The following LRRC4C variants were observed in gnomAD, a reference collection of about 807,000 sequenced individuals.
The protein encoded by LRRC4C is leucine-rich repeat-containing protein 4C.
A neutral mutation model predicts 33.6 loss-of-function variants in LRRC4C; 5 were observed. That is an observed-to-expected ratio of 0.15 (90% CI 0.08 to 0.31). The LOEUF (loss-of-function observed/expected upper bound fraction) is 0.31, where lower values mean the gene tolerates loss of function less well. Among genes scored for constraint, LRRC4C ranks in the 10% least tolerant of loss-of-function variants. The pLI is 1.00. For synonymous variants in LRRC4C, 329 were observed against 302.0 expected (o/e 1.09, Z -0.93); for missense variants, 560 against 796.7 (o/e 0.70, Z 3.58).
At chr11:40,372,043 CAG>C (rs1410582348) in intron 3 of LRRC4C, among the ~76,000 whole-genome samples, 5 of 152,062 alleles carry the variant, frequency 3.3e-5, no homozygotes, top group Admixed American at 6.6e-5. Flanking sequence ...ATGAAATAAA[CAG>C]GGGATTAAAC....
At chr11:40,530,267 T>A (rs773024270) in intron 3 of LRRC4C, among the ~76,000 whole-genome samples, 7 of 152,128 alleles carry the variant, frequency 4.6e-5, no homozygotes, top group Non-Finnish European at 8.8e-5. Flanking sequence ...GGATGTTTAA[T>A]CATTCAGAAA....
At chr11:40,198,951 T>C (rs1163025006) in intron 5 of LRRC4C, among the ~76,000 whole-genome samples, 1 of 152,164 alleles carries the variant, frequency 6.6e-6, no homozygotes, top group Non-Finnish European at 1.5e-5. Flanking sequence ...GAAATAACTG[T>C]TCTAGGTAGC....
chr11:40,437,516 C>T (rs1170316564), intron 3 of LRRC4C, among the ~76,000 whole-genome samples: 1 of 151,604 alleles, frequency 6.6e-6, no homozygotes, highest in Non-Finnish European at 1.5e-5. Context: ...GCCTCAGCCT[C>T]CTGGGTAGCT....
intron 3 of LRRC4C, among the ~76,000 whole-genome samples, chr11:40,505,299 A>G (rs1428712826): frequency 6.6e-6 from 1 of 152,128 alleles, no homozygotes; most frequent in Non-Finnish European, 1.5e-5. Context: ...AACTGTTGAC[A>G]CCTTACTTCC....
chr11:40,294,720 G>C (rs974614270), intron 4 of LRRC4C, among the ~76,000 whole-genome samples: 13 of 152,028 alleles, frequency 8.6e-5, no homozygotes, highest in Non-Finnish European at 1.0e-4. Flanking sequence ...CCAGCTACTC[G>C]GGAGACTGAG....
chr11:41,236,187 C>T (rs1948014282), intron 1 of LRRC4C, among the ~76,000 whole-genome samples: 1 of 152,070 alleles, frequency 6.6e-6, no homozygotes, highest in Non-Finnish European at 1.5e-5. Context: ...CATCTAGTGA[C>T]TGTGGATTGA....
chr11:40,802,716 C>G (rs922592440), intron 2 of LRRC4C, among the ~76,000 whole-genome samples: 4 of 152,088 alleles, frequency 2.6e-5, no homozygotes, highest in Admixed American at 2.6e-4. Flanking sequence ...GAAATTTAAG[C>G]ATTATCCCTT....
chr11:40,999,055 C>T (rs139468533), intron 1 of LRRC4C, among the ~76,000 whole-genome samples: 1 of 152,254 alleles, frequency 6.6e-6, no homozygotes, highest in African/African-American at 2.4e-5. Context: ...TATTCAGAAA[C>T]ATGTGGAGTT....
At chr11:41,301,185 T>C (rs1950276879) in intron 1 of LRRC4C, among the ~76,000 whole-genome samples, 1 of 152,194 alleles carries the variant, frequency 6.6e-6, no homozygotes, top group Admixed American at 6.5e-5. Context: ...CCTCTGCTCC[T>C]GTGAGTTGAA....
intron 2 of LRRC4C, among the ~76,000 whole-genome samples, chr11:40,726,068 T>C (rs1297377707): frequency 2.0e-5 from 3 of 149,836 alleles, no homozygotes; most frequent in African/African-American, 7.4e-5. Context: ...CCTAGAAACA[T>C]AAAACTTCCT....
chr11:40,208,030 T>C (rs1156500867), intron 5 of LRRC4C, among the ~76,000 whole-genome samples: 1 of 152,190 alleles, frequency 6.6e-6, no homozygotes, highest in Non-Finnish European at 1.5e-5. Context: ...TTGCTTATGA[T>C]ACTACATCAG....
Position 40,114,427 on chromosome 11 carries a change from A to G in LRRC4C, c.1866T>C (p.His622=). 1.2e-6 allele frequency: 2 copies of G among 1,614,032 alleles called. No homozygotes were observed. The highest frequency in any genetic ancestry group is 2.2e-5 in the East Asian group (1 of 44,870). Residue 622 remains histidine (H), a synonymous_variant, in exon 7 of 7, where the codon CAT becomes CAC. Transcript: ENST00000528697. ...AGTTCATTCGGATCAATAACGGTTC[A>G]TGCACTGAACTGTGTATTGAATTTA... ...NTINSIHSSV[H]EPLLIRMNSK...
At chr11:40,471,930 C>A (rs1362375349) in intron 3 of LRRC4C, among the ~76,000 whole-genome samples, 1 of 152,064 alleles carries the variant, frequency 6.6e-6, no homozygotes, top group Non-Finnish European at 1.5e-5. Context: ...CACTTCTCAG[C>A]AAATGCAAAA....
intron 2 of LRRC4C, among the ~76,000 whole-genome samples, chr11:40,801,004 AG>A (rs1057095251): frequency 8.5e-5 from 13 of 152,076 alleles, no homozygotes; most frequent in Non-Finnish European, 1.6e-4. Context: ...TTCAACTTAG[AG>A]GGCTTGTTTT....
intron 3 of LRRC4C, among the ~76,000 whole-genome samples, chr11:40,538,896 T>A: frequency 6.6e-6 from 1 of 152,254 alleles, no homozygotes; most frequent in East Asian, 1.9e-4. Flanking sequence ...TGGCCAGTGA[T>A]GATGAGCATT....
intron 6 of LRRC4C, among the ~76,000 whole-genome samples, chr11:40,135,973 C>CATGTGAGCAGAACTAGAAGAGGGCTGGAG (rs1856941279): frequency 6.6e-6 from 1 of 152,208 alleles, no homozygotes; most frequent in South Asian, 2.1e-4. Flanking sequence ...CTGCACCTGA[C>CATGTGAGCAGAACTAGAAGAGGGCTGGAG]ATGTGAGCAG....
At chr11:40,990,558 C>T (rs1853462281) in intron 1 of LRRC4C, among the ~76,000 whole-genome samples, 1 of 151,862 alleles carries the variant, frequency 6.6e-6, no homozygotes, top group African/African-American at 2.4e-5. Flanking sequence ...CACTAGGGTT[C>T]CCCTAGATCC....
chr11:41,182,484 T>A (rs1192727192), intron 1 of LRRC4C, among the ~76,000 whole-genome samples: 1 of 152,198 alleles, frequency 6.6e-6, no homozygotes, highest in Non-Finnish European at 1.5e-5. Flanking sequence ...CTCTGTCAAG[T>A]CCATAGGTAT....
At chr11:40,975,699 T>C (rs1484375332) in intron 1 of LRRC4C, among the ~76,000 whole-genome samples, 1 of 152,218 alleles carries the variant, frequency 6.6e-6, no homozygotes, top group Admixed American at 6.5e-5. Context: ...CTCCATGCAG[T>C]AGAATGATTA....
Sources: allele counts gnomAD v4.1 joint callset (sites outside exome capture counted in the v4.1 genomes callset), GRCh38; gene constraint gnomAD v4.1.1; transcripts MANE v1.5; gene names NCBI Gene and HGNC (gene_info 2026-07-23, HGNC 2026-07-21).